PADI1: variants seen among roughly 807,000 people sequenced by gnomAD.
PADI1 encodes protein-arginine deiminase type-1.
Under a neutral mutation model 74.8 loss-of-function variants are expected in PADI1, and 65 were observed. The ratio of observed to expected loss-of-function variants is 0.87; its 90% CI spans 0.71 to 1.07. The LOEUF (loss-of-function observed/expected upper bound fraction) is 1.07. Ranked by LOEUF, PADI1 falls within the 50% of genes least tolerant of loss-of-function variation. The pLI, the probability that PADI1 is intolerant of heterozygous loss-of-function variation, is 0.00. For synonymous variants in PADI1, 371 were observed against 336.2 expected (o/e 1.10, Z -1.13); for missense variants, 943 against 854.0 (o/e 1.10, Z -1.30).
At chr1:17,228,141 C>A (rs1450915097) in intron 6 of PADI1, among the ~76,000 whole-genome samples, 1 of 152,102 alleles carries the variant, frequency 6.6e-6, no homozygotes, top group African/African-American at 2.4e-5. Flanking sequence ...CAGACATGTG[C>A]CACCACGCCT....
At chr1:17,242,504 G>C (rs1275356082) in intron 15 of PADI1, among the ~76,000 whole-genome samples, 1 of 152,236 alleles carries the variant, frequency 6.6e-6, no homozygotes, top group Non-Finnish European at 1.5e-5. Flanking sequence ...TCTGGCTGAA[G>C]GTGGCGGGGA....
At chr1:17,232,155 C>A (rs752594352) in intron 10 of PADI1, among the ~76,000 whole-genome samples, 1 of 152,028 alleles carries the variant, frequency 6.6e-6, no homozygotes, top group Non-Finnish European at 1.5e-5. Context: ...ACCATGTTGT[C>A]CAGGCTGGTC....
intron 1 of PADI1, among the ~76,000 whole-genome samples, chr1:17,206,733 C>A (rs1475171181): frequency 1.5e-5 from 2 of 134,338 alleles, no homozygotes; most frequent in Non-Finnish European, 3.1e-5. Context: ...GTCACCCAGG[C>A]TGGAGTGCAG....
intron 1 of PADI1, among the ~76,000 whole-genome samples, chr1:17,218,960 G>A (rs143326278): frequency 3.9e-4 from 59 of 152,298 alleles, no homozygotes; most frequent in Admixed American, 1.8e-3. Context: ...CAAGGGGGAA[G>A]AGTGGGGAGG....
At chr1:17,207,014 T>C (rs1264950264) in intron 1 of PADI1, among the ~76,000 whole-genome samples, 1 of 152,110 alleles carries the variant, frequency 6.6e-6, no homozygotes, top group Non-Finnish European at 1.5e-5. Flanking sequence ...CATCCCACAT[T>C]GTATCTGGGA....
chr1:17,217,352 G>A (rs956505523), intron 1 of PADI1, among the ~76,000 whole-genome samples: 1 of 152,074 alleles, frequency 6.6e-6, no homozygotes, highest in Non-Finnish European at 1.5e-5. Flanking sequence ...CAGGGCCGGT[G>A]TGCAGGAGAA....
At position 17,226,279 on chromosome 1, in the gene PADI1, C is replaced by A. The variant is rs969381741; in HGVS notation, c.652+121C>A. 9 of 1,081,552 alleles carry A rather than the reference C, an allele frequency of 8.3e-6. No homozygotes were observed. In the Admixed American group the frequency reaches 1.8e-4, roughly 21 times the overall value. 67.0% of individuals were successfully genotyped at this position (1,081,552 alleles called of 1,614,324 possible). A position where few individuals can be genotyped will look rare whatever the true frequency, so the allele number is the denominator to read the frequency against. ...ACTCTCATTACAGCTTACAAACAAC[C>A]ACTCCATCAGTACCAAATATAGTCC... On this transcript the variant is annotated intron_variant, in intron 6 of 15. Coordinates refer to ENST00000375471, the MANE Select transcript of PADI1 (RefSeq NM_013358.3).
intron 11 of PADI1, among the ~76,000 whole-genome samples, chr1:17,236,926 G>A (rs1189880227): frequency 6.6e-6 from 1 of 152,234 alleles, no homozygotes; most frequent in Admixed American, 6.5e-5. Flanking sequence ...AGAGCAGGCT[G>A]GAGACAGCAG....
intron 11 of PADI1, among the ~76,000 whole-genome samples, chr1:17,233,471 A>C (rs2072552706): frequency 6.6e-6 from 1 of 152,206 alleles, no homozygotes; most frequent in Non-Finnish European, 1.5e-5. Context: ...TACCCTGATG[A>C]CAGAGGTGAG....
Position 17,223,610 on chromosome 1 carries a change from A to G in PADI1, c.274-11A>G, listed in dbSNP as rs767911220. On this transcript the variant is annotated splice_polypyrimidine_tract_variant and intron_variant, in intron 2 of 15. Coordinates refer to ENST00000375471, the MANE Select transcript of PADI1 (RefSeq NM_013358.3). ...GTGATGGCCGTGCAGGCTTAGGGCT[A>G]TGTTCTGCAGGTGAGGGTCTCCTAC... 15 of 1,611,176 alleles carry G rather than the reference A, an allele frequency of 9.3e-6. No homozygotes were observed. In the East Asian group the frequency reaches 2.9e-4, roughly 31 times the overall value.
At chr1:17,243,908 C>T (rs1458872818) in intron 15 of PADI1, 102 bp from the exon 16 acceptor site, 2 of 792,618 alleles carry the variant, frequency 2.5e-6, no homozygotes, top group African/African-American at 3.5e-5. Context: ...TGGCTATGGC[C>T]AACCCATTCC....
At chr1:17,238,763 C>T in intron 13 of PADI1, 54 bp downstream of exon 13, 1 of 910,732 alleles carries the variant, frequency 1.1e-6, no homozygotes, top group Non-Finnish European at 1.6e-6. Flanking sequence ...TCATCACCAT[C>T]CTTGGGTACA....
chr1:17,239,679 A>G, intron 13 of PADI1, 25 bp from the exon 14 acceptor site: 1 of 1,584,796 alleles, frequency 6.3e-7, no homozygotes, highest in Non-Finnish European at 8.7e-7. Context: ...TCCCTGAGCT[A>G]TGTACTGTCT....
At position 17,222,403 on chromosome 1, in the gene PADI1, C is replaced by A. The variant is rs138279447; in HGVS notation, c.206C>A (p.Pro69Gln). 18 of 1,613,960 alleles carry A rather than the reference C, an allele frequency of 1.1e-5. No individual in the cohort carries two copies. The highest frequency in any genetic ancestry group is 1.4e-5 in the Non-Finnish European group (16 of 1,179,946). ...GAGCCCATAGGCAAGGCCCGTTGGC[C>A]GCTAGACACTGATGCAGACATGGTC... Reference protein sequence around the residue: ...VKEPIGKARWPLDTDADMVVS... With the variant: ...VKEPIGKARWQLDTDADMVVS... Residue 69 changes from proline to glutamine, a missense_variant, in exon 2 of 16, where the codon CCG (proline) becomes CAG (glutamine). By Grantham distance (76) the Pro-to-Gln change is moderately conservative (BLOSUM62 -1). Coordinates refer to ENST00000375471, the MANE Select transcript of PADI1 (RefSeq NM_013358.3).
chr1:17,209,747 C>T (rs2071787092), intron 1 of PADI1, among the ~76,000 whole-genome samples: 1 of 152,206 alleles, frequency 6.6e-6, no homozygotes, highest in African/African-American at 2.4e-5. Context: ...GCTGTGTGAC[C>T]TTGGGCCAGT....
Position 17,235,273 on chromosome 1 carries a change from AGGAAGGAAGGAAGGAAGGAG to A in PADI1, c.1314-2025_1314-2006del, listed in dbSNP as rs2072609507. On this transcript the variant is annotated intron_variant, in intron 11 of 15. Transcript: ENST00000375471. ...TGGGAGGGAGGAAGGGAAGGAAGGA[AGGAAGGAAGGAAGGAAGGAG>A]GGAAGGAAGGAAGGAGGCAAAGTAG... is the stretch of plus-strand genomic sequence containing the variant. Among the ~76,000 whole-genome samples the A allele has an allele frequency of 1.8e-4, 21 of 115,482 alleles. 1 individual carries two copies. The highest frequency in any genetic ancestry group is 7.3e-4 in the African/African-American group (20 of 27,224). The allele number at this position is 115,482 out of a possible 152,430, so 75.8% of individuals were successfully genotyped here.
rs540437004 is a variant in PADI1 at position 17,214,140 on chromosome 1, G to A, written c.93-8150G>A. On this transcript the variant is annotated intron_variant, in intron 1 of 15. Coordinates refer to ENST00000375471, the MANE Select transcript of PADI1 (RefSeq NM_013358.3). ...TGTAACCATGGTGACAGCATCTAAC[G>A]CTGAGAAGTCATCATCTCAGGGAAT... Among the ~76,000 whole-genome samples the A allele has an allele frequency of 3.9e-5, 6 of 152,302 alleles. No homozygotes were observed. In the South Asian group the frequency reaches 8.3e-4, roughly 21 times the overall value.
chr1:17,223,686 T>G lies in PADI1; in HGVS notation c.339T>G (p.Thr113=). The stretch of plus-strand genomic sequence containing the variant: ...TGGGCCGCAGCGTGCTTTACCTCAC[T>G]GGCGTCGGTAAGTAGCAGCTCCCTG... ...QALGRSVLYL[T]GVDISLEVDT... Residue 113 remains threonine (T), a synonymous_variant, in exon 3 of 16, where the codon ACT becomes ACG. Coordinates refer to ENST00000375471, the MANE Select transcript of PADI1 (RefSeq NM_013358.3). 1 of 1,613,860 alleles carries G rather than the reference T, an allele frequency of 6.2e-7. No homozygotes were observed. Among genetic ancestry groups the G allele is most frequent in the South Asian group, 1.1e-5 (1 of 91,066 alleles).
intron 1 of PADI1, among the ~76,000 whole-genome samples, chr1:17,210,474 GGAA>G (rs1029239736): frequency 6.6e-6 from 1 of 151,990 alleles, no homozygotes; most frequent in African/African-American, 2.4e-5. Context: ...ATCTCTTCTG[GGAA>G]GACCAGTGAG....
Sources: gnomAD v4.1 joint callset for allele counts (sites outside exome capture counted in the v4.1 genomes callset) on GRCh38, gnomAD v4.1.1 for gene constraint, MANE v1.5 for transcripts, NCBI Gene and HGNC (gene_info 2026-07-23, HGNC 2026-07-21) for gene names.